The following ANKS1A variants were observed in gnomAD, a reference collection of about 807,000 sequenced individuals.
The protein encoded by ANKS1A is ankyrin repeat and SAM domain-containing protein 1A.
A neutral mutation model predicts 120.3 loss-of-function variants in ANKS1A; 55 were observed. The ratio of observed to expected loss-of-function variants is 0.46; its 90% CI spans 0.37 to 0.57. The LOEUF (loss-of-function observed/expected upper bound fraction) is 0.57, where lower values mean the gene tolerates loss of function less well. Among genes scored for constraint, ANKS1A ranks in the 20% least tolerant of loss-of-function variants. The pLI, the probability that ANKS1A is intolerant of heterozygous loss-of-function variation, is 0.00. For synonymous variants in ANKS1A, 590 were observed against 604.7 expected (o/e 0.98, Z 0.36); for missense variants, 1,123 against 1,480.3 (o/e 0.76, Z 3.96).
At chr6:34,926,442 T>C (rs1768721148) in intron 1 of ANKS1A, among the ~76,000 whole-genome samples, 1 of 152,056 alleles carries the variant, frequency 6.6e-6, no homozygotes, top group Admixed American at 6.6e-5. Flanking sequence ...CTTCATAGAG[T>C]TCCCAAAATG....
At chr6:35,059,709 G>A (rs1325735115) in intron 12 of ANKS1A, among the ~76,000 whole-genome samples, 3 of 152,216 alleles carry the variant, frequency 2.0e-5, no homozygotes, top group East Asian at 1.9e-4. Flanking sequence ...GAGGAGCGGC[G>A]GGGCTTGTGG....
chr6:35,042,621 G>C (rs1775520146), intron 11 of ANKS1A, among the ~76,000 whole-genome samples: 1 of 152,182 alleles, frequency 6.6e-6, no homozygotes, highest in South Asian at 2.1e-4. Context: ...CAGCCAGGCT[G>C]CCTCTGCTGC....
At chr6:34,974,646 A>G (rs1771465635) in intron 3 of ANKS1A, among the ~76,000 whole-genome samples, 1 of 152,106 alleles carries the variant, frequency 6.6e-6, no homozygotes. Context: ...CTGGGGTGCG[A>G]CTTATTAGTT....
chr6:35,035,838 C>T (rs1168159630), intron 11 of ANKS1A, among the ~76,000 whole-genome samples: 4 of 152,320 alleles, frequency 2.6e-5, no homozygotes, highest in Admixed American at 2.0e-4. Context: ...TGGCTTCATT[C>T]AGAAACCAGG....
Position 34,981,884 on chromosome 6 carries a change from C to CTGCA in ANKS1A, c.631_634dup (p.Asn212MetfsTer4). ...TTAATGCACACCCCAACCTCCTGAGCTGCAACACTAAGAAGCACACCCCTC... is the reference window on the plus strand; with the variant it reads ...TTAATGCACACCCCAACCTCCTGAGCTGCATGCAACACTAAGAAGCACACCCCTC... On this transcript the variant is annotated frameshift_variant, in exon 4 of 24. Transcript: ENST00000360359. LOFTEE classifies it high-confidence loss of function. 6.2e-7 allele frequency: 1 copy of CTGCA among 1,614,158 alleles called. No homozygotes were observed. The highest frequency in any genetic ancestry group is 8.5e-7 in the Non-Finnish European group (1 of 1,180,026).
intron 13 of ANKS1A, among the ~76,000 whole-genome samples, chr6:35,075,926 A>G (rs919185468): frequency 3.3e-5 from 5 of 152,058 alleles, no homozygotes; most frequent in African/African-American, 1.2e-4. Context: ...ATTCCTGGCT[A>G]ATTTTTTTAT....
intron 1 of ANKS1A, among the ~76,000 whole-genome samples, chr6:34,955,082 T>A (rs1179716403): frequency 6.6e-6 from 1 of 152,070 alleles, no homozygotes; most frequent in Non-Finnish European, 1.5e-5. Context: ...TATTTTTTTC[T>A]TGTACAATTA....
At position 35,083,461 on chromosome 6, in the gene ANKS1A, C is replaced by T. The variant is rs752363493; in HGVS notation, c.2952C>T (p.Ser984=). The T allele has an allele frequency of 6.2e-7, 1 of 1,613,976 alleles. No homozygotes were observed. The highest frequency in any genetic ancestry group is 1.3e-5 in the African/African-American group (1 of 74,878). ...AGAAGATCCCCACCATCATCCTGTC[C>T]ATCACATACAAAGGTGTCAAGTTCA... ...HMKKIPTIIL[S]ITYKGVKFID... is the part of the protein sequence containing the mutation. Residue 984 remains serine, a synonymous_variant, in exon 20 of 24, where the codon TCC becomes TCT. Transcript: ENST00000360359.
rs180865061 is a variant in ANKS1A at position 35,006,612 on chromosome 6, G to T, written c.1424-10861G>T. 6.9e-3 allele frequency among the ~76,000 whole-genome samples: 1,054 copies of T among 151,972 alleles called. 3 individuals are homozygous for T. Among genetic ancestry groups the T allele is most frequent in the Non-Finnish European group, 0.011 (720 of 67,968 alleles). On this transcript the variant is annotated intron_variant, in intron 10 of 23. Coordinates refer to ENST00000360359, the MANE Select transcript of ANKS1A (RefSeq NM_015245.3). ...TACTAAAAATACAAAAAATTTAGCT[G>T]GGCATGGTAATGGGCACCTGTAGTC...
intron 13 of ANKS1A, among the ~76,000 whole-genome samples, chr6:35,061,805 G>A (rs1240441272): frequency 6.6e-6 from 1 of 152,174 alleles, no homozygotes; most frequent in African/African-American, 2.4e-5. Flanking sequence ...ACAAACTCGG[G>A]GTGGAGAGGG....
downstream of ANKS1A, among the ~76,000 whole-genome samples, chr6:35,093,247 ATATT>A (rs1241080505): frequency 1.1e-4 from 16 of 152,174 alleles, no homozygotes; most frequent in African/African-American, 3.4e-4. Context: ...ACACCATAAA[ATATT>A]TATTACTCAG....
intron 11 of ANKS1A, among the ~76,000 whole-genome samples, chr6:35,041,746 G>A (rs1410892648): frequency 2.6e-5 from 4 of 152,166 alleles, no homozygotes; most frequent in African/African-American, 7.2e-5. Flanking sequence ...AGAAGCCAGG[G>A]CTTGTTGCTC....
intron 1 of ANKS1A, among the ~76,000 whole-genome samples, chr6:34,902,923 T>G (rs1159396173): frequency 6.6e-6 from 1 of 152,176 alleles, no homozygotes; most frequent in African/African-American, 2.4e-5. Flanking sequence ...TTTGTAAAAT[T>G]TATAGTTCAT....
intron 11 of ANKS1A, among the ~76,000 whole-genome samples, chr6:35,049,288 T>C (rs1043506160): frequency 2.6e-5 from 4 of 152,124 alleles, no homozygotes; most frequent in Non-Finnish European, 1.5e-5. Context: ...CCTGTTAGTG[T>C]AAAAGTGACC....
chr6:34,979,461 GGT>G (rs1216238517), intron 3 of ANKS1A, among the ~76,000 whole-genome samples: 1 of 152,170 alleles, frequency 6.6e-6, no homozygotes, highest in East Asian at 1.9e-4. Flanking sequence ...GCAGAGATGT[GGT>G]TAGACCATTT....
intron 1 of ANKS1A, among the ~76,000 whole-genome samples, chr6:34,912,330 C>A (rs888097634): frequency 2.6e-5 from 4 of 152,092 alleles, no homozygotes; most frequent in African/African-American, 9.7e-5. Flanking sequence ...TAGACTGTGT[C>A]CTCATCACTT....
rs374396779 is a variant in ANKS1A at position 35,084,171 on chromosome 6, C to T, written c.3045C>T (p.Asp1015=). 3.7e-6 allele frequency: 6 copies of T among 1,614,096 alleles called. No homozygotes were observed. The highest frequency in any genetic ancestry group is 5.1e-6 in the Non-Finnish European group (6 of 1,180,034). Residue 1015 remains aspartate, a synonymous_variant, in exon 21 of 24, where the codon GAC becomes GAT. Coordinates refer to ENST00000360359, the MANE Select transcript of ANKS1A (RefSeq NM_015245.3). The surrounding 1 kb of genome is among the most constrained non-coding windows in gnomAD (Gnocchi z 4.8). ...GGAACATTTCCTGTGCGGCCCAGGA[C>T]CCGGAGGACCTCTGTACCTTTGCCT... ...EIRNISCAAQ[D]PEDLCTFAYI...
intron 1 of ANKS1A, among the ~76,000 whole-genome samples, chr6:34,942,126 T>C (rs1203360983): frequency 2.0e-5 from 3 of 152,240 alleles, no homozygotes; most frequent in Non-Finnish European, 2.9e-5. Context: ...TTTGCTTTCA[T>C]AGTTTTTTGA....
chr6:34,986,003 C>G (rs997797569), intron 8 of ANKS1A, among the ~76,000 whole-genome samples: 1 of 152,160 alleles, frequency 6.6e-6, no homozygotes, highest in East Asian at 1.9e-4. Flanking sequence ...AGGCAATACA[C>G]CTAACCTACC....
Sources: allele counts gnomAD v4.1 joint callset (sites outside exome capture counted in the v4.1 genomes callset), GRCh38; gene constraint gnomAD v4.1.1; non-coding constraint Gnocchi (gnomAD v3.1); transcripts MANE v1.5; gene names NCBI Gene and HGNC (gene_info 2026-07-23, HGNC 2026-07-21).